Variants in NOX4 observed in about 807,000 individuals in gnomAD.
The protein encoded by NOX4 is NADPH oxidase 4, also known as kidney oxidase-1.
Under a neutral mutation model 87.6 loss-of-function variants are expected in NOX4, and 69 were observed. The observed-to-expected ratio is 0.79, with a 90% CI of 0.65 to 0.96. The LOEUF (loss-of-function observed/expected upper bound fraction) is 0.96. Ranked by LOEUF, NOX4 falls within the 40% of genes least tolerant of loss-of-function variation. The probability of loss-of-function intolerance (pLI) is 0.00; values close to 1 mark genes in which losing one functional copy is unlikely to be tolerated. For missense variants in NOX4, 680 were observed against 681.5 expected (o/e 1.00, Z 0.02); for synonymous variants, 275 against 238.2 (o/e 1.15, Z -1.42).
chr11:89,334,101 T>A (rs1170365963), intron 17 of NOX4, among the ~76,000 whole-genome samples: 1 of 151,708 alleles, frequency 6.6e-6, no homozygotes, highest in African/African-American at 2.4e-5. Context: ...GGTTTCTGAA[T>A]TCAGCCAAAG....
chr11:89,367,153 C>T (rs575123716), intron 12 of NOX4, among the ~76,000 whole-genome samples: 1 of 152,076 alleles, frequency 6.6e-6, no homozygotes, highest in East Asian at 1.9e-4. Flanking sequence ...TCACAAGAGG[C>T]CAGAACTACA....
rs1945232184 is a variant in NOX4 at position 89,326,722 on chromosome 11, C to G, written c.*34G>C. 3 of 1,599,244 alleles carry G rather than the reference C, an allele frequency of 1.9e-6. No individual in the cohort carries two copies. The South Asian group carries it at 3.4e-5, about 18-fold the overall frequency. ...CAAAGTCTTAGAAATTGCACTCATT[C>G]CTTCTTTAGAGTCCTGCTTCATGGC... is the stretch of plus-strand genomic sequence containing the variant. On this transcript the variant is annotated 3_prime_UTR_variant, in exon 18 of 18. Transcript: ENST00000263317.
chr11:89,376,142 A>C (rs1939821900), intron 11 of NOX4, among the ~76,000 whole-genome samples: 2 of 152,198 alleles, frequency 1.3e-5, no homozygotes, highest in African/African-American at 4.8e-5. Context: ...TCTGGTTTTG[A>C]ACGGATAAAA....
rs1023193652 is a variant in NOX4, at chr11:89,324,666, T to G, written c.*2090A>C. The G allele has an allele frequency of 3.9e-5, 6 of 152,208 alleles. No homozygotes were observed. The highest frequency in any genetic ancestry group is 2.6e-4 in the Admixed American group (4 of 15,280). 9.4% of individuals were successfully genotyped at this position (152,208 alleles called of 1,614,324 possible). On this transcript the variant is annotated 3_prime_UTR_variant, in exon 18 of 18. Transcript: ENST00000263317. ...TCGCATAAATAAATTATGATCAGTA[T>G]AGAGTCAGTATTGCACATTAAGCCT...
At chr11:89,502,745 A>G (rs957791104), upstream of NOX4, among the ~76,000 whole-genome samples, 12 of 152,106 alleles carry the variant, frequency 7.9e-5, no homozygotes, top group Admixed American at 3.9e-4. Context: ...AACATGCTAA[A>G]TGTTTGCATC....
intron 2 of NOX4, among the ~76,000 whole-genome samples, chr11:89,475,890 C>A (rs1946144802): frequency 6.6e-6 from 1 of 152,044 alleles, no homozygotes; most frequent in South Asian, 2.1e-4. Flanking sequence ...CTGGTGATAT[C>A]ATATTTCCAT....
At chr11:89,517,113 G>A in the NOX4 span, among the ~76,000 whole-genome samples, 1 of 152,126 alleles carries the variant, frequency 6.6e-6, no homozygotes, top group African/African-American at 2.4e-5. Flanking sequence ...ACCATTACCA[G>A]AAATACTCTC....
chr11:89,429,935 C>A (rs561986718), intron 7 of NOX4, among the ~76,000 whole-genome samples: 1 of 152,292 alleles, frequency 6.6e-6, no homozygotes, highest in Non-Finnish European at 1.5e-5. Flanking sequence ...CCTTGATGAA[C>A]ATCGATGGAA....
At chr11:89,579,133 G>T in the NOX4 span, among the ~76,000 whole-genome samples, 1 of 152,192 alleles carries the variant, frequency 6.6e-6, no homozygotes, top group South Asian at 2.1e-4. Flanking sequence ...AAGATAATTG[G>T]TTTTCTAGAG....
the NOX4 span, among the ~76,000 whole-genome samples, chr11:89,560,621 G>A: frequency 2.0e-5 from 3 of 151,994 alleles, no homozygotes; most frequent in African/African-American, 7.2e-5. Flanking sequence ...AATGTGTGTG[G>A]TTAACATCCA....
At chr11:89,583,257 A>T in the NOX4 span, among the ~76,000 whole-genome samples, 4,039 of 152,214 alleles carry the variant, frequency 0.027, 184 homozygotes, top group African/African-American at 0.092. Flanking sequence ...TGAGAAAAAA[A>T]AAAGCGTTGT....
the NOX4 span, among the ~76,000 whole-genome samples, chr11:89,584,285 T>C: frequency 2.0e-5 from 3 of 152,134 alleles, no homozygotes; most frequent in Admixed American, 6.6e-5. Context: ...TCACCGAAGG[T>C]TGCTCACTGT....
chr11:89,381,636 C>T (rs1439801949), intron 11 of NOX4, among the ~76,000 whole-genome samples: 5 of 152,324 alleles, frequency 3.3e-5, no homozygotes, highest in African/African-American at 9.6e-5. Flanking sequence ...TTAAGCAAAG[C>T]CTGTTTGGTG....
chr11:89,333,740 A>T (rs1387056830), intron 17 of NOX4, among the ~76,000 whole-genome samples: 1 of 151,786 alleles, frequency 6.6e-6, no homozygotes, highest in Non-Finnish European at 1.5e-5. Flanking sequence ...CCATTTACAC[A>T]GTGCCTTTGT....
chr11:89,401,522 A>G (rs1236221650), intron 9 of NOX4, among the ~76,000 whole-genome samples: 1 of 152,064 alleles, frequency 6.6e-6, no homozygotes, highest in African/African-American at 2.4e-5. Context: ...CTCTTCCAAT[A>G]GAGACATTTG....
chr11:89,437,386 T>G (rs1450541820), intron 6 of NOX4, among the ~76,000 whole-genome samples: 1 of 152,062 alleles, frequency 6.6e-6, no homozygotes, highest in Admixed American at 6.6e-5. Context: ...AAGGTGTCTT[T>G]CATGCCATTA....
chr11:89,344,298 C>T (rs1441400577), intron 13 of NOX4, among the ~76,000 whole-genome samples: 1 of 152,162 alleles, frequency 6.6e-6, no homozygotes, highest in African/African-American at 2.4e-5. Flanking sequence ...CAGTGGCTCA[C>T]ACCTGTAATC....
At chr11:89,517,574 C>A in the NOX4 span, among the ~76,000 whole-genome samples, 3 of 151,796 alleles carry the variant, frequency 2.0e-5, no homozygotes, top group Non-Finnish European at 4.4e-5. Context: ...TTATTGGGCT[C>A]AAGTGATTCT....
At chr11:89,453,917 G>C (rs1183072333) in intron 2 of NOX4, among the ~76,000 whole-genome samples, 1 of 152,092 alleles carries the variant, frequency 6.6e-6, no homozygotes, top group East Asian at 1.9e-4. Flanking sequence ...CTTGATGAAT[G>C]AACAAACATT....
Sources: gnomAD v4.1 joint callset for allele counts (sites outside exome capture counted in the v4.1 genomes callset) on GRCh38, gnomAD v4.1.1 for gene constraint, MANE v1.5 for transcripts, NCBI Gene and HGNC (gene_info 2026-07-23, HGNC 2026-07-21) for gene names.